Variants in CENPK observed in about 807,000 individuals in gnomAD.
The protein encoded by CENPK is SoxLZ/Sox6-binding protein Solt.
Under a neutral mutation model 40.9 loss-of-function variants are expected in CENPK, and 46 were observed. The observed-to-expected ratio is 1.13, with a 90% CI of 0.89 to 1.44. The LOEUF is 1.44. CENPK is among the 40% of genes most tolerant of loss of function. CENPK has a pLI of 0.00. For synonymous variants in CENPK, 107 were observed against 104.4 expected (o/e 1.02, Z -0.15); for missense variants, 288 against 303.5 (o/e 0.95, Z 0.38).
rs563521505 is a variant in CENPK at position 65,560,247 on chromosome 5, G to A, written c.-40+1216C>T. On this transcript the variant is annotated intron_variant, in intron 2 of 10. Transcript: ENST00000396679. Reference sequence around the variant, plus strand: ...ACTTGTAATATATATGGCAACCCAAGACCTAATTTCCTTAATATATAACAA... The same window carrying A: ...ACTTGTAATATATATGGCAACCCAAAACCTAATTTCCTTAATATATAACAA... 4.6e-5 allele frequency among the ~76,000 whole-genome samples: 7 copies of A among 151,648 alleles called. No homozygotes were observed. In the South Asian group the frequency reaches 1.5e-3, roughly 31 times the overall value.
chr5:65,502,602 TTTTG>T, the CENPK span, among the ~76,000 whole-genome samples: 1 of 152,036 alleles, frequency 6.6e-6, no homozygotes, highest in Non-Finnish European at 1.5e-5. Context: ...AAGAGTCTTT[TTTTG>T]TTTGTTTGGT....
the CENPK span, among the ~76,000 whole-genome samples, chr5:65,506,349 CAA>C: frequency 1.7e-4 from 23 of 132,654 alleles, no homozygotes; most frequent in African/African-American, 2.0e-4. Context: ...GAACTTATCT[CAA>C]AAAAAAAAAA....
chr5:65,547,529 T>G (rs1335253060), intron 5 of CENPK, among the ~76,000 whole-genome samples: 3 of 152,058 alleles, frequency 2.0e-5, no homozygotes, highest in Admixed American at 1.3e-4. Context: ...AATGCTCAAA[T>G]TAATGACTAA....
intron 6 of CENPK, among the ~76,000 whole-genome samples, chr5:65,535,950 G>T (rs191148854): frequency 6.6e-6 from 1 of 152,142 alleles, no homozygotes. Context: ...CTGAGTCACC[G>T]ATGGTATAAA....
At chr5:65,512,725 G>C in the CENPK span, among the ~76,000 whole-genome samples, 3 of 152,106 alleles carry the variant, frequency 2.0e-5, no homozygotes, top group Non-Finnish European at 4.4e-5. Flanking sequence ...CAGTTGTCTG[G>C]AACCAAACCC....
At chr5:65,540,175 T>A (rs1297411159) in intron 6 of CENPK, among the ~76,000 whole-genome samples, 1 of 152,206 alleles carries the variant, frequency 6.6e-6, no homozygotes, top group East Asian at 1.9e-4. Context: ...TTCAGCTTCA[T>A]TTTTTATTAG....
At chr5:65,535,357 T>C (rs888170097) in intron 6 of CENPK, among the ~76,000 whole-genome samples, 1 of 152,188 alleles carries the variant, frequency 6.6e-6, no homozygotes, top group Admixed American at 6.5e-5. Flanking sequence ...CCTTGGTCAG[T>C]TCCCTGAAAA....
downstream of CENPK, among the ~76,000 whole-genome samples, chr5:65,514,086 G>T (rs1742682025): frequency 6.6e-6 from 1 of 151,856 alleles, no homozygotes; most frequent in African/African-American, 2.4e-5. Flanking sequence ...ATAGTTTTTT[G>T]TTATATATTG....
At chr5:65,501,248 C>T in the CENPK span, among the ~76,000 whole-genome samples, 1 of 138,354 alleles carries the variant, frequency 7.2e-6, no homozygotes, top group African/African-American at 2.7e-5. Context: ...GATGCAATCT[C>T]GCTCACTGCC....
At chr5:65,524,083 T>C (rs552784728) in intron 9 of CENPK, among the ~76,000 whole-genome samples, 42 of 152,162 alleles carry the variant, frequency 2.8e-4, no homozygotes, top group Admixed American at 1.0e-3. Context: ...TTAACAACTC[T>C]TGGAGGCTTG....
the CENPK span, among the ~76,000 whole-genome samples, chr5:65,506,745 A>G: frequency 1.3e-5 from 2 of 152,064 alleles, no homozygotes; most frequent in African/African-American, 2.4e-5. Flanking sequence ...AGATCACGCC[A>G]CTGCACTCCA....
chr5:65,536,626 G>GA (rs1450551645), intron 6 of CENPK, among the ~76,000 whole-genome samples: 27 of 137,658 alleles, frequency 2.0e-4, no homozygotes, highest in East Asian at 7.3e-4. Flanking sequence ...CTGTTTCAAA[G>GA]AAAAAATATA....
chr5:65,554,495 C>CCT (rs1276209417), intron 3 of CENPK, among the ~76,000 whole-genome samples: 36 of 152,148 alleles, frequency 2.4e-4, no homozygotes, highest in African/African-American at 8.2e-4. Context: ...AGCACTCCTG[C>CCT]TAAGTATAGT....
intron 5 of CENPK, among the ~76,000 whole-genome samples, chr5:65,547,671 C>CT (rs1030185654): frequency 4.9e-4 from 72 of 145,862 alleles, no homozygotes; most frequent in Admixed American, 7.6e-4. Context: ...TGGGGAATTT[C>CT]TTTTTTTTTT....
At chr5:65,545,324 GCACA>G (rs869192025) in intron 5 of CENPK, among the ~76,000 whole-genome samples, 3,161 of 64,112 alleles carry the variant, frequency 0.049, 102 homozygotes, top group South Asian at 0.096. Flanking sequence ...CTCAAAGCGC[GCACA>G]CACACACACA....
chr5:65,532,495 A>G (rs930270696), intron 6 of CENPK, among the ~76,000 whole-genome samples: 3 of 152,202 alleles, frequency 2.0e-5, no homozygotes, highest in African/African-American at 7.2e-5. Flanking sequence ...AGAAGCAAAA[A>G]TCTCATAAAA....
At chr5:65,506,272 G>A in the CENPK span, among the ~76,000 whole-genome samples, 1 of 151,036 alleles carries the variant, frequency 6.6e-6, no homozygotes, top group Non-Finnish European at 1.5e-5. Context: ...CTAGCTACTT[G>A]TGGCACAGGA....
At chr5:65,556,725 AACTC>A (rs1751036429) in intron 2 of CENPK, among the ~76,000 whole-genome samples, 1 of 152,194 alleles carries the variant, frequency 6.6e-6, no homozygotes, top group African/African-American at 2.4e-5. Context: ...ATCTTCTCAC[AACTC>A]ACTGACTCAT....
At chr5:65,508,990 G>A in the CENPK span, among the ~76,000 whole-genome samples, 2,225 of 152,160 alleles carry the variant, frequency 0.015, 49 homozygotes, top group African/African-American at 0.051. Flanking sequence ...CACAGACTGG[G>A]AGAAACTATT....
Sources: gnomAD v4.1 joint callset for allele counts (sites outside exome capture counted in the v4.1 genomes callset) on GRCh38, gnomAD v4.1.1 for gene constraint, MANE v1.5 for transcripts, NCBI Gene and HGNC (gene_info 2026-07-23, HGNC 2026-07-21) for gene names.